SPOCK1: variants seen among roughly 807,000 people sequenced by gnomAD.
SPOCK1 encodes the protein SPARC (osteonectin), cwcv and kazal like domains proteoglycan 1, also known as testican-1.
Under a neutral mutation model 55.3 loss-of-function variants are expected in SPOCK1, and 23 were observed. The observed-to-expected ratio is 0.42, with a 90% confidence interval of 0.30 to 0.59. SPOCK1 has a LOEUF of 0.59. SPOCK1 is among the 20% of genes least tolerant of loss of function. The pLI, the probability that SPOCK1 is intolerant of heterozygous loss-of-function variation, is 0.22. For missense variants in SPOCK1, 499 were observed against 552.5 expected (o/e 0.90, Z 0.97); for synonymous variants, 226 against 221.0 (o/e 1.02, Z -0.20).
chr5:137,224,466 A>G (rs893374030), intron 3 of SPOCK1, among the ~76,000 whole-genome samples: 2 of 151,624 alleles, frequency 1.3e-5, no homozygotes, highest in Non-Finnish European at 2.9e-5. Flanking sequence ...AGAAATCCTT[A>G]AAGAATGTTA....
chr5:137,458,897 G>A (rs1753422135), intron 2 of SPOCK1, among the ~76,000 whole-genome samples: 1 of 152,172 alleles, frequency 6.6e-6, no homozygotes, highest in Non-Finnish European at 1.5e-5. Flanking sequence ...CATCTTCTAA[G>A]CCCATAAAGA....
intron 5 of SPOCK1, among the ~76,000 whole-genome samples, chr5:137,081,328 A>G (rs1387559893): frequency 6.6e-6 from 1 of 152,226 alleles, no homozygotes; most frequent in Non-Finnish European, 1.5e-5. Flanking sequence ...GCAGATTTTT[A>G]AAGTGATAGA....
At chr5:137,445,473 G>C (rs1234844414) in intron 2 of SPOCK1, among the ~76,000 whole-genome samples, 1 of 152,158 alleles carries the variant, frequency 6.6e-6, no homozygotes, top group Non-Finnish European at 1.5e-5. Context: ...GCAACAGGGA[G>C]GCTTGGGAAG....
At chr5:137,442,389 C>G (rs1324485469) in intron 2 of SPOCK1, among the ~76,000 whole-genome samples, 1 of 152,168 alleles carries the variant, frequency 6.6e-6, no homozygotes, top group Non-Finnish European at 1.5e-5. Flanking sequence ...GTTCAAATCT[C>G]CAATTTGCCA....
intron 2 of SPOCK1, among the ~76,000 whole-genome samples, chr5:137,431,195 A>G (rs1043052564): frequency 2.6e-4 from 39 of 152,314 alleles, no homozygotes; most frequent in African/African-American, 8.4e-4. Flanking sequence ...TTAAGTAAGA[A>G]AAACAAACTC....
At chr5:137,205,541 G>C (rs1425329301) in intron 3 of SPOCK1, among the ~76,000 whole-genome samples, 2 of 152,212 alleles carry the variant, frequency 1.3e-5, no homozygotes. Context: ...CGGGTGGCAG[G>C]AAAGGAGACA....
At chr5:136,993,148 A>T (rs1298746426) in intron 6 of SPOCK1, 2 of 152,174 alleles carry the variant, frequency 1.3e-5, no homozygotes, top group Non-Finnish European at 2.9e-5. Context: ...TTGACTTTCC[A>T]CTGTAAACAG....
chr5:136,985,327 G>C lies in SPOCK1; in HGVS notation c.929-125C>G, dbSNP rs1305091982. On this transcript the variant is annotated intron_variant, in intron 8 of 10. Coordinates refer to ENST00000394945, the MANE Select transcript of SPOCK1 (RefSeq NM_004598.4). ...TGGGAGTGGAATTGTTCCATATGCT[G>C]TTACTATGCAAGAAAACAAATTCGG... 5 of 938,224 alleles carry C rather than the reference G, an allele frequency of 5.3e-6. No homozygotes were observed. In the Admixed American group the frequency reaches 9.4e-5, roughly 18 times the overall value. The allele number at this position is 938,224 out of a possible 1,614,324, so 58.1% of individuals were successfully genotyped here. A position where few individuals can be genotyped will look rare whatever the true frequency, so the allele number is the denominator to read the frequency against.
intron 4 of SPOCK1, among the ~76,000 whole-genome samples, chr5:137,119,324 C>A (rs1753645366): frequency 6.6e-6 from 1 of 152,122 alleles, no homozygotes; most frequent in South Asian, 2.1e-4. Flanking sequence ...CTATTTTGAA[C>A]CAGAGACAAA....
chr5:137,052,283 T>A (rs533013636), intron 6 of SPOCK1, among the ~76,000 whole-genome samples: 9 of 152,360 alleles, frequency 5.9e-5, no homozygotes, highest in African/African-American at 2.2e-4. Flanking sequence ...TAAACCACTG[T>A]TATTTAGGTT....
Position 137,118,431 on chromosome 5 carries a change from C to T in SPOCK1, c.348-5870G>A, listed in dbSNP as rs73790693. 4.2e-3 allele frequency among the ~76,000 whole-genome samples: 644 copies of T among 152,316 alleles called. 2 individuals carry two copies. Among genetic ancestry groups the T allele is most frequent in the African/African-American group, 0.013 (529 of 41,564 alleles). On this transcript the variant is annotated intron_variant, in intron 4 of 10. Coordinates refer to ENST00000394945, the MANE Select transcript of SPOCK1 (RefSeq NM_004598.4). ...CAACTCCGCACGTCAGTGTTTCCCA[C>T]TCTTGCTTTAGACAGGACCCCACTA...
At chr5:137,453,733 C>G (rs182130261) in intron 2 of SPOCK1, among the ~76,000 whole-genome samples, 2 of 152,282 alleles carry the variant, frequency 1.3e-5, no homozygotes, top group East Asian at 3.9e-4. Context: ...CCATAGGTAT[C>G]TATGCCACAA....
At chr5:137,010,496 G>A (rs1191793770) in intron 6 of SPOCK1, among the ~76,000 whole-genome samples, 1 of 151,952 alleles carries the variant, frequency 6.6e-6, no homozygotes, top group Admixed American at 6.6e-5. Flanking sequence ...GACACATATT[G>A]TCTCAGTGAA....
chr5:137,117,754 C>G (rs927881361), intron 4 of SPOCK1, among the ~76,000 whole-genome samples: 2 of 151,732 alleles, frequency 1.3e-5, no homozygotes, highest in Non-Finnish European at 2.9e-5. Flanking sequence ...TCCCACAAAA[C>G]TCTAGAAACA....
chr5:137,245,562 G>T (rs1756377180), intron 3 of SPOCK1, among the ~76,000 whole-genome samples: 1 of 152,082 alleles, frequency 6.6e-6, no homozygotes, highest in African/African-American at 2.4e-5. Context: ...CAAAAACTTA[G>T]CAGAGTCAGA....
intron 2 of SPOCK1, among the ~76,000 whole-genome samples, chr5:137,439,144 C>G (rs1485909668): frequency 6.6e-6 from 1 of 152,132 alleles, no homozygotes; most frequent in Non-Finnish European, 1.5e-5. Context: ...AAGGGGAGGA[C>G]AGGAGATGAA....
rs986585037 is a variant in SPOCK1 at position 137,499,263 on chromosome 5, C to T, written c.-85G>A. 67 of 152,098 alleles carry T rather than the reference C, an allele frequency of 4.4e-4. No individual in the cohort carries two copies. In the Middle Eastern group the frequency reaches 0.021, roughly 47 times the overall value. The allele number at this position is 152,098 out of a possible 1,614,324, so 9.4% of individuals were successfully genotyped here. A position where few individuals can be genotyped will look rare whatever the true frequency, so the allele number is the denominator to read the frequency against. On this transcript the variant is annotated 5_prime_UTR_variant, in exon 1 of 11. Transcript: ENST00000394945. ...CGGGAAGGCTGATCGCCGGCTCGCG[C>T]CCCTGCGCTCCTGCCACACGCCGCC...
intron 2 of SPOCK1, among the ~76,000 whole-genome samples, chr5:137,478,044 T>C (rs561617542): frequency 6.6e-6 from 1 of 152,276 alleles, no homozygotes; most frequent in South Asian, 2.1e-4. Flanking sequence ...GCAAGTCACC[T>C]CCTCACCCTA....
At chr5:137,399,153 A>G (rs1238531265) in intron 2 of SPOCK1, among the ~76,000 whole-genome samples, 1 of 152,228 alleles carries the variant, frequency 6.6e-6, no homozygotes, top group African/African-American at 2.4e-5. Flanking sequence ...TAGCCTATGT[A>G]GCGTGCCAAA....
Sources: allele counts gnomAD v4.1 joint callset (sites outside exome capture counted in the v4.1 genomes callset), GRCh38; gene constraint gnomAD v4.1.1; transcripts MANE v1.5; gene names NCBI Gene and HGNC (gene_info 2026-07-23, HGNC 2026-07-21).